EXO1: variants seen among roughly 807,000 people sequenced by gnomAD.
EXO1 encodes exonuclease 1.
Under a neutral mutation model 84.5 loss-of-function variants are expected in EXO1, and 69 were observed. That is an observed-to-expected ratio of 0.82 (90% CI 0.67 to 1.00). The LOEUF (loss-of-function observed/expected upper bound fraction) is 1.00. Ranked by LOEUF, EXO1 falls within the 50% of genes least tolerant of loss-of-function variation. EXO1 has a pLI of 0.00. For synonymous variants in EXO1, 373 were observed against 366.1 expected (o/e 1.02, Z -0.21); for missense variants, 1,045 against 1,000.7 (o/e 1.04, Z -0.60).
intron 10 of EXO1, among the ~76,000 whole-genome samples, chr1:241,864,198 G>T (rs1635510): frequency 0.51 from 77,969 of 151,970 alleles, 20,343 homozygotes; most frequent in East Asian, 0.71. Context: ...TGGATGATGT[G>T]GTTGGTAACA....
chr1:241,883,693 A>G (rs1227912018), intron 14 of EXO1, among the ~76,000 whole-genome samples: 7 of 151,908 alleles, frequency 4.6e-5, no homozygotes, highest in African/African-American at 1.7e-4. Flanking sequence ...ACTTGAAAAG[A>G]CATTCATTAT....
At chr1:241,884,622 T>C (rs967369055) in intron 14 of EXO1, among the ~76,000 whole-genome samples, 9 of 150,970 alleles carry the variant, frequency 6.0e-5, no homozygotes, top group African/African-American at 2.2e-4. Flanking sequence ...AAAAATGAAG[T>C]GCACAACAAT....
chr1:241,861,252 G>C (rs1661365529), intron 9 of EXO1, among the ~76,000 whole-genome samples, 154 bp from the exon 10 acceptor site: 1 of 152,222 alleles, frequency 6.6e-6, no homozygotes, highest in Non-Finnish European at 1.5e-5. Flanking sequence ...AACTGTGTCT[G>C]CTTTCAGTAA....
chr1:241,880,680 A>G (rs1263873106), intron 13 of EXO1, among the ~76,000 whole-genome samples: 1 of 152,256 alleles, frequency 6.6e-6, no homozygotes, highest in Non-Finnish European at 1.5e-5. Flanking sequence ...TGACATGAAA[A>G]TCATATAATC....
At position 241,881,913 on chromosome 1, in the gene EXO1, T is replaced by A; in HGVS notation, c.2110-3T>A. On this transcript the variant is annotated splice_region_variant and splice_polypyrimidine_tract_variant and intron_variant, in intron 13 of 15. Transcript: ENST00000366548. ...ATTTTATTTTTTGATCTGGGGACTC[T>A]AGGAATCTGATTGCAATATTAAGTT... 6.8e-7 allele frequency: 1 copy of A among 1,466,582 alleles called. No individual in the cohort carries two copies. The highest frequency in any genetic ancestry group is 9.5e-7 in the Non-Finnish European group (1 of 1,050,038). 90.8% of individuals were successfully genotyped at this position (1,466,582 alleles called of 1,614,324 possible).
At chr1:241,853,333 T>C (rs1252540759) in intron 5 of EXO1, 25 bp from the exon 6 acceptor site, 1 of 1,612,272 alleles carries the variant, frequency 6.2e-7, no homozygotes, top group Non-Finnish European at 8.5e-7. Context: ...ATGTTTTATA[T>C]TTAAAAAATG....
intron 12 of EXO1, among the ~76,000 whole-genome samples, chr1:241,873,787 C>T (rs1167552339): frequency 6.6e-6 from 1 of 152,048 alleles, no homozygotes; most frequent in Non-Finnish European, 1.5e-5. Context: ...AATGCTGGGG[C>T]AATGGTTGGA....
At chr1:241,884,738 G>GGAGGCAGCGA (rs1342222983) in intron 14 of EXO1, among the ~76,000 whole-genome samples, 1 of 151,990 alleles carries the variant, frequency 6.6e-6, no homozygotes, top group Non-Finnish European at 1.5e-5. Context: ...CTCTGGAAAG[G>GGAGGCAGCGA]GAGGCAGCGA....
chr1:241,850,370 T>C (rs1223561632), intron 3 of EXO1, 39 bp from the exon 4 acceptor site: 18 of 1,344,110 alleles, frequency 1.3e-5, no homozygotes, highest in Non-Finnish European at 1.7e-5. Context: ...TGTATTTTTC[T>C]TTAAATATTA....
intron 4 of EXO1, among the ~76,000 whole-genome samples, chr1:241,851,723 T>C (rs1002543329): frequency 6.6e-6 from 1 of 152,204 alleles, no homozygotes; most frequent in Non-Finnish European, 1.5e-5. Flanking sequence ...TCATCTGCCA[T>C]TGAGAAATAT....
intron 15 of EXO1, among the ~76,000 whole-genome samples, chr1:241,887,488 C>G (rs1663131728): frequency 6.6e-6 from 1 of 152,024 alleles, no homozygotes; most frequent in African/African-American, 2.4e-5. Context: ...ATCAACAAAG[C>G]CTTTAATATT....
chr1:241,871,468 G>A (rs1662086403), intron 11 of EXO1, among the ~76,000 whole-genome samples: 1 of 152,132 alleles, frequency 6.6e-6, no homozygotes, highest in Non-Finnish European at 1.5e-5. Flanking sequence ...TTAGTCTTAT[G>A]ATTTATTTTA....
rs777367168 is a variant in EXO1, at chr1:241,872,238, G to A, written c.1474G>A (p.Glu492Lys). The A allele has an allele frequency of 6.2e-7, 1 of 1,614,090 alleles. No homozygotes were observed. Among genetic ancestry groups the A allele is most frequent in the South Asian group, 1.1e-5 (1 of 91,076 alleles). ...TGCAACATTTTTACAAAGGAAAAAT[G>A]AAGAAAGTGGTGCAGTTGTGGTTCC... is the stretch of plus-strand genomic sequence containing the variant. ...KFATFLQRKNEESGAVVVPGT... is the reference protein window; with the variant it reads ...KFATFLQRKNKESGAVVVPGT... Residue 492 changes from glutamate (E) to lysine (K), a missense_variant, in exon 12 of 16, where the codon GAA (glutamate) becomes AAA (lysine). Transcript: ENST00000366548.
At chr1:241,884,211 C>T (rs181194150) in intron 14 of EXO1, among the ~76,000 whole-genome samples, 13 of 152,136 alleles carry the variant, frequency 8.5e-5, no homozygotes, top group Admixed American at 3.9e-4. Flanking sequence ...CAAATTCTAA[C>T]GTTTATTTCT....
In EXO1 at chr1:241,848,663, C is replaced by T; in HGVS notation, c.-419-68C>T. On this transcript the variant is annotated intron_variant, in intron 1 of 15. Transcript: ENST00000366548. This position sits in a 1 kb window ranked among gnomAD's most constrained non-coding sequence, Gnocchi z 4.2. Reference sequence around the variant, plus strand: ...TCATTTTTCCGCAGAAGCTGGCAGTCCAGGTTTTACATGCAATCTCTCCAC... The same window carrying T: ...TCATTTTTCCGCAGAAGCTGGCAGTTCAGGTTTTACATGCAATCTCTCCAC... 1 of 152,336 alleles carries T rather than the reference C, an allele frequency of 6.6e-6. No individual in the cohort carries two copies. Among genetic ancestry groups the T allele is most frequent in the East Asian group, 1.9e-4 (1 of 5,182 alleles). 9.4% of individuals were successfully genotyped at this position (152,336 alleles called of 1,614,324 possible). A position where few individuals can be genotyped will look rare whatever the true frequency, so the allele number is the denominator to read the frequency against.
chr1:241,850,656 C>T lies in EXO1; in HGVS notation c.161+70C>T, dbSNP rs114262005. The stretch of plus-strand genomic sequence containing the variant: ...ACCTACAGTGCCTTTTTTTCTCCCC[C>T]AGAAACGGATTGTTTTCACTCAATG... On this transcript the variant is annotated intron_variant, in intron 4 of 15. Coordinates refer to ENST00000366548, the MANE Select transcript of EXO1 (RefSeq NM_130398.4). 4 of 1,282,866 alleles carry T rather than the reference C, an allele frequency of 3.1e-6. No individual in the cohort carries two copies. In the African/African-American group the frequency reaches 4.4e-5, roughly 14 times the overall value. 79.5% of individuals were successfully genotyped at this position (1,282,866 alleles called of 1,614,324 possible).
At chr1:241,886,586 A>G (rs1429541092) in intron 15 of EXO1, among the ~76,000 whole-genome samples, 4 of 152,212 alleles carry the variant, frequency 2.6e-5, no homozygotes, top group Admixed American at 1.3e-4. Context: ...GGATTAAACC[A>G]TATGACAGCA....
chr1:241,855,565 C>A (rs539648050), intron 6 of EXO1, among the ~76,000 whole-genome samples: 1 of 152,378 alleles, frequency 6.6e-6, no homozygotes, highest in East Asian at 1.9e-4. Context: ...CCTGTCAGTC[C>A]TGCGCCGTCT....
intron 4 of EXO1, 66 bp downstream of exon 4, chr1:241,850,652 C>T: frequency 7.6e-7 from 1 of 1,315,096 alleles, no homozygotes; most frequent in Non-Finnish European, 1.1e-6. Context: ...CTTTTTTTCT[C>T]CCCCAGAAAC....
Sources: gnomAD v4.1 joint callset for allele counts (sites outside exome capture counted in the v4.1 genomes callset) on GRCh38, gnomAD v4.1.1 for gene constraint, Gnocchi (gnomAD v3.1) non-coding constraint, MANE v1.5 for transcripts, NCBI Gene and HGNC (gene_info 2026-07-23, HGNC 2026-07-21) for gene names.